UGT1A10: variants seen among roughly 807,000 people sequenced by gnomAD.
UGT1A10 encodes UDP glucuronosyltransferase family 1 member A10, also known as UDP-glucuronosyltransferase 1A10.
Under a neutral mutation model 45.8 loss-of-function variants are expected in UGT1A10, and 49 were observed. That is an observed-to-expected ratio of 1.07 (90% CI 0.85 to 1.36). UGT1A10 has a LOEUF of 1.36. UGT1A10 is among the 40% of genes most tolerant of loss of function. UGT1A10 has a pLI of 0.00. For synonymous variants in UGT1A10, 284 were observed against 249.7 expected (o/e 1.14, Z -1.29); for missense variants, 745 against 668.6 (o/e 1.11, Z -1.26).
chr2:233,643,491 G>A (rs1232769796), intron 1 of UGT1A10, among the ~76,000 whole-genome samples: 2 of 152,194 alleles, frequency 1.3e-5, no homozygotes, highest in Non-Finnish European at 2.9e-5. Flanking sequence ...AATGCTGTCC[G>A]AGTCAAGTCC....
intron 1 of UGT1A10, among the ~76,000 whole-genome samples, chr2:233,725,937 A>T (rs911094598): frequency 6.6e-6 from 1 of 152,148 alleles, no homozygotes; most frequent in Non-Finnish European, 1.5e-5. Context: ...AGACTGATGC[A>T]GGAGGATTGT....
intron 1 of UGT1A10, among the ~76,000 whole-genome samples, chr2:233,731,276 TTTTC>T (rs980011036): frequency 8.2e-5 from 12 of 146,468 alleles, no homozygotes; most frequent in African/African-American, 2.6e-4. Flanking sequence ...CCCTTCCAGT[TTTTC>T]TTTCTTTTTT....
intron 1 of UGT1A10, among the ~76,000 whole-genome samples, chr2:233,753,010 T>G (rs1329149459): frequency 6.6e-6 from 1 of 151,864 alleles, no homozygotes; most frequent in Admixed American, 6.6e-5. Context: ...CTACCCAGAG[T>G]GGTGATTTAC....
At chr2:233,740,026 G>A (rs1244657367) in intron 1 of UGT1A10, among the ~76,000 whole-genome samples, 1 of 151,782 alleles carries the variant, frequency 6.6e-6, no homozygotes, top group Non-Finnish European at 1.5e-5. Flanking sequence ...GAGAGCTGAT[G>A]GTTTTATAAG....
intron 1 of UGT1A10, chr2:233,693,367 G>A: frequency 6.2e-7 from 1 of 1,614,154 alleles, no homozygotes; most frequent in Non-Finnish European, 8.5e-7. Context: ...TTATTGGCCT[G>A]TACTTCATCA....
intron 1 of UGT1A10, among the ~76,000 whole-genome samples, chr2:233,676,630 C>G (rs981744027): frequency 1.4e-4 from 22 of 152,170 alleles, no homozygotes; most frequent in African/African-American, 5.1e-4. Flanking sequence ...GACGGTTTCT[C>G]AGACTCTCCT....
chr2:233,718,771 A>T, intron 1 of UGT1A10: 4 of 1,612,862 alleles, frequency 2.5e-6, no homozygotes, highest in Non-Finnish European at 3.4e-6. Flanking sequence ...AAACAAATGT[A>T]GCAGGCACAG....
At chr2:233,708,713 T>G (rs1289460681) in intron 1 of UGT1A10, 1 of 152,206 alleles carries the variant, frequency 6.6e-6, no homozygotes, top group Non-Finnish European at 1.5e-5. Flanking sequence ...TTTGCATCAT[T>G]GCACCTCAGC....
intron 1 of UGT1A10, among the ~76,000 whole-genome samples, chr2:233,646,428 A>G (rs180989467): frequency 6.6e-5 from 10 of 152,118 alleles, no homozygotes; most frequent in Non-Finnish European, 1.0e-4. Context: ...TTTCTATCAC[A>G]TTTTCAGGCT....
rs2074103465 is a variant in UGT1A10 at position 233,667,530 on chromosome 2, A to C, written c.855+30153A>C. On this transcript the variant is annotated intron_variant, in intron 1 of 4. Transcript: ENST00000344644. ...TGGCAACAAAAGCCAAAATTGACAA[A>C]TGGGATCTCATTAAACTAAAGAGCT... Among the ~76,000 whole-genome samples, 3 of 152,338 alleles carry C rather than the reference A, an allele frequency of 2.0e-5. No individual in the cohort carries two copies. In the South Asian group the frequency reaches 6.2e-4, roughly 32 times the overall value.
intron 1 of UGT1A10, among the ~76,000 whole-genome samples, chr2:233,698,597 G>T (rs966031058): frequency 6.6e-6 from 1 of 152,070 alleles, no homozygotes; most frequent in East Asian, 1.9e-4. Flanking sequence ...CAAGAAATTC[G>T]GATTAATAAA....
At chr2:233,648,664 C>G (rs2073664406) in intron 1 of UGT1A10, 1 of 278,534 alleles carries the variant, frequency 3.6e-6, no homozygotes, top group Admixed American at 4.1e-5. Context: ...CGGGGTTTCA[C>G]CGTGTTAGCC....
chr2:233,694,516 A>G (rs2125559626), intron 1 of UGT1A10, among the ~76,000 whole-genome samples: 1 of 152,322 alleles, frequency 6.6e-6, no homozygotes, highest in African/African-American at 2.4e-5. Context: ...CCTGACATGT[A>G]GGAAAAGGGC....
At chr2:233,710,235 C>T (rs1034132814) in intron 1 of UGT1A10, among the ~76,000 whole-genome samples, 2 of 152,122 alleles carry the variant, frequency 1.3e-5, no homozygotes, top group African/African-American at 2.4e-5. Flanking sequence ...TATGACTATT[C>T]GAGTACGAGT....
rs555999540 is a variant in UGT1A10 at position 233,720,422 on chromosome 2, G to T, written c.856-46612G>T. 1.8e-4 allele frequency among the ~76,000 whole-genome samples: 28 copies of T among 152,172 alleles called. 1 individual carries two copies. The Middle Eastern group carries it at 0.027, about 148-fold the overall frequency. On this transcript the variant is annotated intron_variant, in intron 1 of 4. Coordinates refer to ENST00000344644, the MANE Select transcript of UGT1A10 (RefSeq NM_019075.4). ...AGTGGGTGGAAGGGACTAGGGAGGA[G>T]ATAAGACCGTGAATCTATAAGCCCA...
intron 1 of UGT1A10, among the ~76,000 whole-genome samples, chr2:233,732,493 G>T (rs141356640): frequency 1.3e-5 from 2 of 152,178 alleles, no homozygotes; most frequent in Admixed American, 6.5e-5. Flanking sequence ...TGTATAAGGC[G>T]TAAGGAAGGG....
intron 1 of UGT1A10, among the ~76,000 whole-genome samples, chr2:233,732,232 C>T (rs2078252352): frequency 6.6e-6 from 1 of 152,176 alleles, no homozygotes; most frequent in South Asian, 2.1e-4. Flanking sequence ...TTCTCCCATT[C>T]TGTAGGTTGC....
chr2:233,660,226 A>T (rs950929941), intron 1 of UGT1A10, among the ~76,000 whole-genome samples: 1 of 152,190 alleles, frequency 6.6e-6, no homozygotes, highest in Non-Finnish European at 1.5e-5. Context: ...CTAGATTTTC[A>T]TGATGTTCGC....
At chr2:233,645,466 G>A (rs1274896002) in intron 1 of UGT1A10, among the ~76,000 whole-genome samples, 1 of 152,200 alleles carries the variant, frequency 6.6e-6, no homozygotes, top group African/African-American at 2.4e-5. Flanking sequence ...TCTGAGACAA[G>A]GCAAGTCCCT....
Sources: gnomAD v4.1 joint callset for allele counts (sites outside exome capture counted in the v4.1 genomes callset) on GRCh38, gnomAD v4.1.1 for gene constraint, MANE v1.5 for transcripts, NCBI Gene and HGNC (gene_info 2026-07-23, HGNC 2026-07-21) for gene names.